USP18: variants seen among roughly 807,000 people sequenced by gnomAD.
USP18 encodes the protein ubiquitin specific peptidase 18.
A neutral mutation model predicts 48.7 loss-of-function variants in USP18; 11 were observed. The ratio of observed to expected loss-of-function variants is 0.23; its 90% CI spans 0.14 to 0.37. USP18 has a LOEUF of 0.37. Among genes scored for constraint, USP18 ranks in the 10% least tolerant of loss-of-function variants. USP18 has a pLI of 1.00. For missense variants in USP18, 285 were observed against 436.4 expected (o/e 0.65, Z 3.09); for synonymous variants, 114 against 163.2 (o/e 0.70, Z 2.30).
intron 10 of USP18, among the ~76,000 whole-genome samples, chr22:18,174,062 G>A (rs1175433973): frequency 4.0e-5 from 6 of 151,796 alleles, no homozygotes; most frequent in South Asian, 2.1e-4. Flanking sequence ...TCCATCTCCC[G>A]TCTGCTGTGC....
chr22:18,170,426 G>T (rs967703915), intron 7 of USP18, among the ~76,000 whole-genome samples: 4 of 152,232 alleles, frequency 2.6e-5, no homozygotes, highest in African/African-American at 9.6e-5. Context: ...GAGAGGGACT[G>T]CAGGAGGGCG....
chr22:18,169,181 C>T (rs555635663), intron 6 of USP18, among the ~76,000 whole-genome samples: 1 of 152,242 alleles, frequency 6.6e-6, no homozygotes, highest in East Asian at 1.9e-4. Context: ...GGTGGAAGGA[C>T]ATTGGATCAT....
At chr22:18,167,227 A>T in intron 4 of USP18, 28 bp from the exon 5 acceptor site, 1 of 1,612,400 alleles carries the variant, frequency 6.2e-7, no homozygotes, top group Non-Finnish European at 8.5e-7. Flanking sequence ...GACCTCACTA[A>T]TTGGCTGTTC....
At chr22:18,165,865 A>G (rs1449048234) in intron 4 of USP18, among the ~76,000 whole-genome samples, 2 of 150,834 alleles carry the variant, frequency 1.3e-5, no homozygotes, top group East Asian at 4.0e-4. Flanking sequence ...GAACTTGATA[A>G]CTGCCCGGTA....
At position 18,160,529 on chromosome 22, in the gene USP18, C is replaced by T. The variant is rs183867821; in HGVS notation, c.254+261C>T. Among the ~76,000 whole-genome samples the T allele has an allele frequency of 1.5e-3, 230 of 152,122 alleles. 5 individuals are homozygous for T. The highest frequency in any genetic ancestry group is 4.3e-4 in the Non-Finnish European group (29 of 68,002). ...GTGTTAGCCAGGAAGGTCTCGATCT[C>T]CTGACCTCGTGATCCACCCACCTCA... On this transcript the variant is annotated intron_variant, in intron 3 of 10. Coordinates refer to ENST00000215794, the MANE Select transcript of USP18 (RefSeq NM_017414.4).
intron 6 of USP18, among the ~76,000 whole-genome samples, chr22:18,168,389 A>G (rs1372187860): frequency 7.7e-6 from 1 of 129,840 alleles, no homozygotes; most frequent in African/African-American, 3.4e-5. Context: ...TCATGATGCA[A>G]TAACCTCCCC....
At chr22:18,153,354 G>A (rs761659505) in intron 1 of USP18, among the ~76,000 whole-genome samples, 8 of 150,480 alleles carry the variant, frequency 5.3e-5, no homozygotes, top group South Asian at 4.2e-4. Context: ...GCTTGAACTC[G>A]GGAGGCAGAG....
intron 1 of USP18, among the ~76,000 whole-genome samples, chr22:18,156,724 A>T (rs1293604605): frequency 1.3e-5 from 2 of 152,160 alleles, no homozygotes; most frequent in Admixed American, 1.3e-4. Context: ...CCACAAACCC[A>T]CCAGAAGGAA....
In USP18 at chr22:18,167,349, C is replaced by G; in HGVS notation, c.480+15C>G. ...ATGTGCACTTGGTAAGAACCTAGAA[C>G]CAGAGCACTCGGAAGCTTAAGATGC... On this transcript the variant is annotated intron_variant, in intron 5 of 10. Transcript: ENST00000215794. The G allele has an allele frequency of 6.2e-7, 1 of 1,613,444 alleles. No homozygotes were observed. Among genetic ancestry groups the G allele is most frequent in the East Asian group, 2.2e-5 (1 of 44,864 alleles).
intron 1 of USP18, among the ~76,000 whole-genome samples, chr22:18,153,536 T>A (rs1374337832): frequency 6.6e-6 from 1 of 152,160 alleles, no homozygotes; most frequent in East Asian, 1.9e-4. Flanking sequence ...CTGATTCTCC[T>A]GCCTCAGTCT....
chr22:18,159,457 A>G (rs1032093981), intron 2 of USP18, among the ~76,000 whole-genome samples: 10 of 151,294 alleles, frequency 6.6e-5, no homozygotes, highest in African/African-American at 9.7e-5. Flanking sequence ...ACAGGACTTC[A>G]TGTCCTTAGT....
intron 1 of USP18, among the ~76,000 whole-genome samples, chr22:18,153,353 C>T (rs977259621): frequency 6.7e-6 from 1 of 148,868 alleles, no homozygotes; most frequent in Non-Finnish European, 1.5e-5. Flanking sequence ...TGCTTGAACT[C>T]GGGAGGCAGA....
intron 1 of USP18, among the ~76,000 whole-genome samples, chr22:18,155,132 C>T (rs1025960211): frequency 6.6e-6 from 1 of 152,258 alleles, no homozygotes; most frequent in African/African-American, 2.4e-5. Flanking sequence ...GCTGTGATGG[C>T]GTGCTTGCTG....
At chr22:18,157,871 G>T in intron 2 of USP18, 51 bp downstream of exon 2, 1 of 1,608,152 alleles carries the variant, frequency 6.2e-7, no homozygotes, top group Non-Finnish European at 8.5e-7. Flanking sequence ...TAAATGTTCG[G>T]CTCACCCCCT....
Position 18,157,167 on chromosome 22 carries a change from A to C in USP18, c.-106-391A>C, listed in dbSNP as rs150174238. 5.2e-4 allele frequency among the ~76,000 whole-genome samples: 80 copies of C among 152,384 alleles called. 1 individual carries two copies. The East Asian group carries it at 5.4e-3, about 10-fold the overall frequency. On this transcript the variant is annotated intron_variant, in intron 1 of 10. Transcript: ENST00000215794. ...CACGAGGCTGTTCTGCCAGGGCCGC[A>C]GGTCCCCTTGGGTGTTGGGCGGGTT...
intron 1 of USP18, among the ~76,000 whole-genome samples, chr22:18,156,739 CTCCGAACACA>C (rs1403589224): frequency 1.3e-5 from 2 of 152,208 alleles, no homozygotes; most frequent in African/African-American, 4.8e-5. Flanking sequence ...AAGGAAGAAA[CTCCGAACACA>C]TCCGAACATC....
chr22:18,174,074 C>T (rs1409114026), intron 10 of USP18, among the ~76,000 whole-genome samples: 1 of 152,098 alleles, frequency 6.6e-6, no homozygotes, highest in Non-Finnish European at 1.5e-5. Flanking sequence ...CTGCTGTGCA[C>T]ATGCACTTCC....
chr22:18,150,910 C>T (rs1041034269), intron 1 of USP18, among the ~76,000 whole-genome samples: 1 of 152,228 alleles, frequency 6.6e-6, no homozygotes, highest in Admixed American at 6.5e-5. Context: ...GAGATCGCAC[C>T]GTTGCACTCC....
rs1166696687 is a variant in USP18, at chr22:18,154,435, ATTATT to A, written c.-106-3116_-106-3112del. On this transcript the variant is annotated intron_variant, in intron 1 of 10. Transcript: ENST00000215794. ...TAGTGCTTCGATGTTACCCATTATT[ATTATT>A]TTATTTCATCTTATTTATTTATTTA... Among the ~76,000 whole-genome samples, 15 of 152,186 alleles carry A rather than the reference ATTATT, an allele frequency of 9.9e-5. 1 individual carries two copies. The highest frequency in any genetic ancestry group is 6.8e-3 in the Middle Eastern group (2 of 294).
Sources: gnomAD v4.1 joint callset for allele counts (sites outside exome capture counted in the v4.1 genomes callset) on GRCh38, gnomAD v4.1.1 for gene constraint, MANE v1.5 for transcripts, NCBI Gene and HGNC (gene_info 2026-07-23, HGNC 2026-07-21) for gene names.